The following MTF2 variants were observed in gnomAD, a reference collection of about 807,000 sequenced individuals.
MTF2 encodes metal-response element-binding transcription factor 2.
A neutral mutation model predicts 79.5 loss-of-function variants in MTF2; 11 were observed. The ratio of observed to expected loss-of-function variants is 0.14; its 90% CI spans 0.09 to 0.23. The LOEUF (loss-of-function observed/expected upper bound fraction) is 0.23. Among genes scored for constraint, MTF2 ranks in the 10% least tolerant of loss-of-function variants. The pLI is 1.00. For synonymous variants in MTF2, 208 were observed against 232.8 expected (o/e 0.89, Z 0.97); for missense variants, 486 against 711.2 (o/e 0.68, Z 3.60).
intron 1 of MTF2, among the ~76,000 whole-genome samples, chr1:93,101,340 C>G (rs1004401764): frequency 7.2e-6 from 1 of 139,366 alleles, no homozygotes; most frequent in Non-Finnish European, 1.6e-5. Flanking sequence ...AGTTAAAATA[C>G]ATGTAACAAA....
chr1:93,102,048 T>C (rs574799323), intron 1 of MTF2, among the ~76,000 whole-genome samples: 4 of 152,146 alleles, frequency 2.6e-5, no homozygotes, highest in Admixed American at 6.5e-5. Context: ...AGTTTGAATC[T>C]GAGATGAGGT....
In MTF2 at chr1:93,120,683, TGAGAAC is replaced by T; in HGVS notation, c.921+12_921+17del. 1 of 1,602,682 alleles carries T rather than the reference TGAGAAC, an allele frequency of 6.2e-7. No homozygotes were observed. The highest frequency in any genetic ancestry group is 8.5e-7 in the Non-Finnish European group (1 of 1,176,660). ...TTGCACCCTGGAGAGGTAGGTGGTC[TGAGAAC>T]TAACTTCAGTAGCTACTTGATGTCT... On this transcript the variant is annotated intron_variant, in intron 9 of 14. Coordinates refer to ENST00000370298, the MANE Select transcript of MTF2 (RefSeq NM_007358.4).
chr1:93,100,306 T>C (rs1382918607), intron 1 of MTF2, among the ~76,000 whole-genome samples: 1 of 151,948 alleles, frequency 6.6e-6, no homozygotes, highest in Non-Finnish European at 1.5e-5. Context: ...TGTTTGTTTG[T>C]TTGTTTGTTT....
intron 1 of MTF2, among the ~76,000 whole-genome samples, chr1:93,087,479 G>C (rs1205975630): frequency 6.6e-6 from 1 of 152,068 alleles, no homozygotes; most frequent in Non-Finnish European, 1.5e-5. Flanking sequence ...GGCTGAGGCA[G>C]GAGAATTGCT....
intron 1 of MTF2, among the ~76,000 whole-genome samples, chr1:93,096,808 C>CTTTTTTTTTTTTTTTT (rs961849389): frequency 7.3e-6 from 1 of 136,242 alleles, no homozygotes; most frequent in South Asian, 2.2e-4. Context: ...TTTTCTTTTT[C>CTTTTTTTTTTTTTTTT]TTTTTTTTTT....
rs992597148 is a variant in MTF2, at chr1:93,102,869, C to T, written c.6-7361C>T. Among the ~76,000 whole-genome samples the T allele has an allele frequency of 5.3e-5, 8 of 151,884 alleles. No individual in the cohort carries two copies. The South Asian group carries it at 8.3e-4, about 16-fold the overall frequency. Reference sequence around the variant, plus strand: ...TTTATGGGCCAGGCACGGTGGCTCACGCCTGTAATCCCAGCACTTTGGAAG... The same window carrying T: ...TTTATGGGCCAGGCACGGTGGCTCATGCCTGTAATCCCAGCACTTTGGAAG... On this transcript the variant is annotated intron_variant, in intron 1 of 14. Transcript: ENST00000370298.
At chr1:93,086,516 A>AT (rs1553148522) in intron 1 of MTF2, among the ~76,000 whole-genome samples, 5 of 150,240 alleles carry the variant, frequency 3.3e-5, no homozygotes, top group Non-Finnish European at 5.9e-5. Flanking sequence ...AAAAAAAAAA[A>AT]GATGAGGAAG....
intron 6 of MTF2, among the ~76,000 whole-genome samples, chr1:93,116,904 C>T (rs923089289): frequency 4.6e-5 from 7 of 152,080 alleles, no homozygotes; most frequent in Non-Finnish European, 1.0e-4. Context: ...TGATAGTAGT[C>T]AGAACACATG....
intron 8 of MTF2, 130 bp from the exon 9 acceptor site, chr1:93,120,419 G>T: frequency 1.4e-6 from 1 of 708,360 alleles, no homozygotes. Flanking sequence ...GTGATTTATT[G>T]TATTGTGAAT....
chr1:93,098,744 G>C (rs1452483222), intron 1 of MTF2, among the ~76,000 whole-genome samples: 2 of 152,156 alleles, frequency 1.3e-5, no homozygotes, highest in Non-Finnish European at 2.9e-5. Flanking sequence ...AATAGGAATT[G>C]GGATTCCAAG....
intron 9 of MTF2, among the ~76,000 whole-genome samples, chr1:93,125,302 G>GTT (rs747981072): frequency 2.6e-5 from 2 of 75,556 alleles, no homozygotes; most frequent in Non-Finnish European, 3.5e-5. Flanking sequence ...GTTTGTCAGT[G>GTT]TTTTTTTTTT....
intron 3 of MTF2, among the ~76,000 whole-genome samples, chr1:93,112,530 T>C (rs1004240955): frequency 6.6e-6 from 1 of 152,206 alleles, no homozygotes; most frequent in Non-Finnish European, 1.5e-5. Flanking sequence ...CTGGTGGCAG[T>C]GTAAATTTCT....
At chr1:93,116,174 C>T (rs2101066638) in intron 6 of MTF2, among the ~76,000 whole-genome samples, 1 of 152,270 alleles carries the variant, frequency 6.6e-6, no homozygotes, top group South Asian at 2.1e-4. Flanking sequence ...CCTCCTGTCT[C>T]AGCCTCCGAA....
At chr1:93,120,334 A>G (rs1020545165) in intron 8 of MTF2, 16 of 294,534 alleles carry the variant, frequency 5.4e-5, no homozygotes, top group East Asian at 7.5e-5. Flanking sequence ...AGTAATTCAT[A>G]TATCTTCTAG....
chr1:93,129,745 G>C (rs190797032), intron 11 of MTF2, among the ~76,000 whole-genome samples: 67 of 152,108 alleles, frequency 4.4e-4, no homozygotes, highest in East Asian at 4.3e-3. Context: ...TTGATTGATT[G>C]ATTGATTCAT....
At chr1:93,132,415 A>G (rs1656957513) in intron 11 of MTF2, among the ~76,000 whole-genome samples, 1 of 152,156 alleles carries the variant, frequency 6.6e-6, no homozygotes, top group South Asian at 2.1e-4. Context: ...CCTTTGTGGT[A>G]GCTATCAGGT....
chr1:93,130,240 T>TA (rs1163307994), intron 11 of MTF2, among the ~76,000 whole-genome samples: 1 of 152,136 alleles, frequency 6.6e-6, no homozygotes, highest in Non-Finnish European at 1.5e-5. Flanking sequence ...TTTGGGTTGT[T>TA]TTCTAAGAAT....
At chr1:93,100,958 C>A (rs1028978641) in intron 1 of MTF2, among the ~76,000 whole-genome samples, 11 of 152,292 alleles carry the variant, frequency 7.2e-5, no homozygotes, top group Middle Eastern at 3.4e-3. Context: ...ATATCCTTCA[C>A]ATGCTATTAA....
intron 3 of MTF2, among the ~76,000 whole-genome samples, chr1:93,113,440 C>A (rs968977279): frequency 5.3e-5 from 8 of 151,840 alleles, no homozygotes; most frequent in Non-Finnish European, 4.4e-5. Flanking sequence ...CCAGAACAAA[C>A]AAATAAATAG....
Sources: allele counts gnomAD v4.1 joint callset (sites outside exome capture counted in the v4.1 genomes callset), GRCh38; gene constraint gnomAD v4.1.1; transcripts MANE v1.5; gene names NCBI Gene and HGNC (gene_info 2026-07-23, HGNC 2026-07-21).